ZNF860: variants seen among roughly 807,000 people sequenced by gnomAD.
The protein encoded by ZNF860 is zinc finger protein 860.
For missense variants in ZNF860, 641 were observed against 759.2 expected (o/e 0.84, Z 1.83); for synonymous variants, 206 against 248.9 (o/e 0.83, Z 1.62).
intron 1 of ZNF860, among the ~76,000 whole-genome samples, chr3:31,987,228 A>G (rs945607223): frequency 6.6e-6 from 1 of 152,178 alleles, no homozygotes; most frequent in African/African-American, 2.4e-5. Flanking sequence ...TATAAAACAT[A>G]TAATACTTTC....
chr3:31,993,503 C>T (rs146556707), downstream of ZNF860, among the ~76,000 whole-genome samples: 1 of 152,256 alleles, frequency 6.6e-6, no homozygotes, highest in Non-Finnish European at 1.5e-5. Flanking sequence ...CCACCGCGCC[C>T]AGACAAGAAA....
chr3:32,002,843 G>C, the ZNF860 span, among the ~76,000 whole-genome samples: 1 of 134,956 alleles, frequency 7.4e-6, no homozygotes, highest in African/African-American at 2.6e-5. Flanking sequence ...TTTTATTCCA[G>C]CCTGATGAAT....
intron 1 of ZNF860, among the ~76,000 whole-genome samples, chr3:31,984,582 A>G (rs914769514): frequency 6.6e-6 from 1 of 152,134 alleles, no homozygotes; most frequent in African/African-American, 2.4e-5. Context: ...AAGTTTTACA[A>G]TAGTGGTGTT....
rs1475412617 is a variant in ZNF860, at chr3:31,989,866, T to G, written c.787T>G (p.Cys263Gly). The part of the protein sequence containing the change: ...LGGKQYKCDV[C>G]GKVFNQKRYL... ...AGGGAAACAATATAAATGTGATGTA[T>G]GTGGCAAGGTCTTTAATCAGAAGCG... is the stretch of plus-strand genomic sequence containing the variant. Residue 263 changes from cysteine to glycine, a missense_variant, in exon 2 of 2, where the codon TGT becomes GGT. Transcript: ENST00000360311. 2 of 1,614,204 alleles carry G rather than the reference T, an allele frequency of 1.2e-6. No individual in the cohort carries two copies. Among genetic ancestry groups the G allele is most frequent in the Non-Finnish European group, 1.7e-6 (2 of 1,180,030 alleles).
downstream of ZNF860, among the ~76,000 whole-genome samples, chr3:31,995,886 A>G (rs1699086460): frequency 6.6e-6 from 1 of 152,178 alleles, no homozygotes; most frequent in Non-Finnish European, 1.5e-5. Context: ...ATGCAGTGCA[A>G]AGCCGCTGTT....
chr3:31,985,331 T>C (rs886791908), intron 1 of ZNF860, among the ~76,000 whole-genome samples: 2 of 152,212 alleles, frequency 1.3e-5, no homozygotes, highest in Non-Finnish European at 2.9e-5. Context: ...ATAAATCACT[T>C]AGAAAAAATT....
In ZNF860 at chr3:31,990,283, G is replaced by A. The variant is rs1221587084; in HGVS notation, c.1204G>A (p.Asp402Asn). The change falls in exon 2 of 2, where the codon GAT becomes AAT. Residue 402 changes from aspartate (D) to asparagine (N), a missense_variant. Physicochemically the swap from Asp to Asn is conservative, Grantham distance 23. Coordinates refer to ENST00000360311, the MANE Select transcript of ZNF860 (RefSeq NM_001137674.3). ...HGIGKLYKCN[D>N]CHKVFSNATT... Reference sequence around the variant, plus strand: ...TATAGGGAAACTTTATAAATGTAATGATTGTCACAAAGTCTTCAGTAATGC... The same window carrying A: ...TATAGGGAAACTTTATAAATGTAATAATTGTCACAAAGTCTTCAGTAATGC... 2.5e-6 allele frequency: 4 copies of A among 1,614,078 alleles called. No homozygotes were observed. The South Asian group carries it at 4.4e-5, about 18-fold the overall frequency.
At chr3:31,999,265 C>T in the ZNF860 span, among the ~76,000 whole-genome samples, 1 of 151,938 alleles carries the variant, frequency 6.6e-6, no homozygotes, top group Non-Finnish European at 1.5e-5. Context: ...TCCCCTATGT[C>T]AGTGATGATA....
chr3:31,994,702 T>G (rs1215402850), downstream of ZNF860, among the ~76,000 whole-genome samples: 1 of 152,188 alleles, frequency 6.6e-6, no homozygotes, highest in Non-Finnish European at 1.5e-5. Context: ...AAATTGAAAG[T>G]GTACTGCAAA....
the ZNF860 span, among the ~76,000 whole-genome samples, chr3:32,001,092 G>C: frequency 2.0e-5 from 3 of 152,172 alleles, no homozygotes. Flanking sequence ...AAGGCATCTA[G>C]GGGCGCTGTT....
the ZNF860 span, among the ~76,000 whole-genome samples, chr3:32,000,252 C>T: frequency 6.6e-6 from 1 of 152,166 alleles, no homozygotes; most frequent in African/African-American, 2.4e-5. Flanking sequence ...GACAGAATGA[C>T]ATGACAGAGT....
intron 1 of ZNF860, among the ~76,000 whole-genome samples, chr3:31,985,014 G>A (rs559174787): frequency 1.3e-5 from 2 of 152,312 alleles, no homozygotes; most frequent in East Asian, 3.9e-4. Flanking sequence ...CAAGGTGGGC[G>A]GGTCACGTGA....
Position 31,989,000 on chromosome 3 carries a change from A to C in ZNF860, c.-80A>C, listed in dbSNP as rs1698983227. 6.4e-7 allele frequency: 1 copy of C among 1,554,542 alleles called. No individual in the cohort carries two copies. Among genetic ancestry groups the C allele is most frequent in the African/African-American group, 1.4e-5 (1 of 72,670 alleles). ...AAGTTTGTGATAATTTGTTTCTCGG[A>C]AACAGATAACTAATACAGAGCAGGA... On this transcript the variant is annotated 5_prime_UTR_variant, in exon 2 of 2. Transcript: ENST00000360311.
the ZNF860 span, among the ~76,000 whole-genome samples, chr3:31,999,114 CTTGATCAG>C: frequency 6.6e-6 from 1 of 152,164 alleles, no homozygotes; most frequent in Non-Finnish European, 1.5e-5. Flanking sequence ...CTGCTGTTAG[CTTGATCAG>C]CTGTCTCCCC....
downstream of ZNF860, among the ~76,000 whole-genome samples, chr3:31,993,681 T>TACACAC (rs139678560): frequency 0.11 from 15,567 of 147,238 alleles, 1,100 homozygotes; most frequent in African/African-American, 0.21. Flanking sequence ...TACACACACA[T>TACACAC]ACACACACAC....
At chr3:31,982,389 T>C (rs1040850112) in intron 1 of ZNF860, among the ~76,000 whole-genome samples, 1 of 152,098 alleles carries the variant, frequency 6.6e-6, no homozygotes, top group Non-Finnish European at 1.5e-5. Flanking sequence ...CAAAAGGTGA[T>C]AGATGATAGG....
At chr3:31,982,786 C>T (rs12629794) in intron 1 of ZNF860, among the ~76,000 whole-genome samples, 15,380 of 152,160 alleles carry the variant, frequency 0.1, 1,219 homozygotes, top group East Asian at 0.47. Flanking sequence ...CAAATGATAC[C>T]GGCTGTAATA....
the ZNF860 span, among the ~76,000 whole-genome samples, chr3:32,003,993 T>C: frequency 6.6e-6 from 1 of 152,236 alleles, no homozygotes; most frequent in East Asian, 1.9e-4. Flanking sequence ...AAAGGAGTTG[T>C]CACTTATAGC....
At chr3:31,993,567 C>T (rs967296251), downstream of ZNF860, among the ~76,000 whole-genome samples, 1 of 152,122 alleles carries the variant, frequency 6.6e-6, no homozygotes, top group Non-Finnish European at 1.5e-5. Context: ...ATAAGATATA[C>T]AGATGTCCGA....
Sources: allele counts gnomAD v4.1 joint callset (sites outside exome capture counted in the v4.1 genomes callset), GRCh38; gene constraint gnomAD v4.1.1; transcripts MANE v1.5; gene names NCBI Gene and HGNC (gene_info 2026-07-23, HGNC 2026-07-21).